Variants in DAPK2 observed in about 807,000 individuals in gnomAD.
DAPK2 encodes death-associated protein kinase 2.
A neutral mutation model predicts 44.1 loss-of-function variants in DAPK2; 35 were observed. The observed-to-expected ratio is 0.79, with a 90% CI of 0.61 to 1.05. DAPK2 has a LOEUF of 1.05. Among genes scored for constraint, DAPK2 ranks in the 50% least tolerant of loss-of-function variants. The pLI, the probability that DAPK2 is intolerant of heterozygous loss-of-function variation, is 0.00. For synonymous variants in DAPK2, 174 were observed against 182.6 expected, an observed-to-expected ratio of 0.95 and a Z score of 0.38; for missense variants, 453 against 483.2, an observed-to-expected ratio of 0.94 and a Z score of 0.59.
chr15:64,036,966 G>T (rs1486581175), intron 1 of DAPK2, among the ~76,000 whole-genome samples: 1 of 152,110 alleles, frequency 6.6e-6, no homozygotes, highest in Non-Finnish European at 1.5e-5. Flanking sequence ...CCCATGCCCA[G>T]CTCTGAGAGG....
chr15:64,000,088 C>T (rs1170088550), intron 1 of DAPK2, among the ~76,000 whole-genome samples: 2 of 151,996 alleles, frequency 1.3e-5, no homozygotes, highest in African/African-American at 4.8e-5. Flanking sequence ...ATAAGCCTTA[C>T]ATAGATGTTT....
chr15:64,029,294 A>G (rs1440057176), intron 1 of DAPK2, among the ~76,000 whole-genome samples: 1 of 152,122 alleles, frequency 6.6e-6, no homozygotes, highest in African/African-American at 2.4e-5. Context: ...TTTCCTAACA[A>G]TGGGTGATGA....
chr15:63,958,086 T>G (rs1440797978), intron 3 of DAPK2, among the ~76,000 whole-genome samples: 3 of 152,230 alleles, frequency 2.0e-5, no homozygotes. Context: ...GTGGTTTTGA[T>G]TTGCATTTCT....
At chr15:63,963,758 A>G (rs1208280544) in intron 3 of DAPK2, among the ~76,000 whole-genome samples, 1 of 152,182 alleles carries the variant, frequency 6.6e-6, no homozygotes, top group Non-Finnish European at 1.5e-5. Context: ...GCTTGCAAAC[A>G]CTGTCATATA....
At chr15:64,036,319 G>GTATATA (rs57218056) in intron 1 of DAPK2, among the ~76,000 whole-genome samples, 1,734 of 56,620 alleles carry the variant, frequency 0.031, 174 homozygotes, top group Admixed American at 0.048. Context: ...GTATATATAT[G>GTATATA]TATATATATA....
intron 4 of DAPK2, among the ~76,000 whole-genome samples, chr15:63,933,089 T>C (rs1036424049): frequency 1.3e-5 from 2 of 152,184 alleles, no homozygotes; most frequent in East Asian, 1.9e-4. Context: ...TCAGTGATAA[T>C]TCAAAGTGTG....
chr15:63,912,713 T>C lies in DAPK2; in HGVS notation c.859-516A>G, dbSNP rs958161694. Among the ~76,000 whole-genome samples the C allele has an allele frequency of 7.9e-5, 12 of 152,244 alleles. No homozygotes were observed. Among genetic ancestry groups the C allele is most frequent in the African/African-American group, 2.9e-4 (12 of 41,466 alleles). On this transcript the variant is annotated intron_variant, in intron 8 of 10. Coordinates refer to ENST00000261891, the Ensembl canonical transcript of DAPK2. This position sits in a 1 kb window ranked among gnomAD's most constrained non-coding sequence, Gnocchi z 4.4. ...TGGCAGTCAGAGCTCAGCTTAAATT[T>C]TGACTTCTCCAAGAAGCTTGGGATG...
At chr15:64,045,369 CTCTTAGG>C (rs1440939236) in intron 1 of DAPK2, among the ~76,000 whole-genome samples, 2 of 152,190 alleles carry the variant, frequency 1.3e-5, no homozygotes, top group Non-Finnish European at 2.9e-5. Flanking sequence ...GCACCACGGC[CTCTTAGG>C]TCAACAGGAC....
intron 1 of DAPK2, among the ~76,000 whole-genome samples, chr15:63,997,475 T>G (rs1437321711): frequency 3.3e-5 from 5 of 152,196 alleles, no homozygotes; most frequent in Non-Finnish European, 7.3e-5. Flanking sequence ...GGACTACATG[T>G]GCCCGCCACC....
At chr15:64,030,319 G>A (rs2079976054) in intron 1 of DAPK2, among the ~76,000 whole-genome samples, 1 of 152,034 alleles carries the variant, frequency 6.6e-6, no homozygotes, top group Admixed American at 6.5e-5. Context: ...AAAGTCTGTT[G>A]TGGTGTTGAC....
At chr15:64,002,851 C>A (rs1364377689) in intron 1 of DAPK2, among the ~76,000 whole-genome samples, 1 of 151,452 alleles carries the variant, frequency 6.6e-6, no homozygotes, top group Non-Finnish European at 1.5e-5. Flanking sequence ...AACAAAGAAT[C>A]GCCTAATTAA....
chr15:64,016,842 AG>A (rs1567275656), intron 1 of DAPK2, among the ~76,000 whole-genome samples: 7 of 6,404 alleles, frequency 1.1e-3, no homozygotes, highest in African/African-American at 1.8e-3. Context: ...GAAGGAGGGA[AG>A]GAAGGAAGGA....
At chr15:63,910,398 G>A (rs16947567) in intron 10 of DAPK2, among the ~76,000 whole-genome samples, 7 of 152,252 alleles carry the variant, frequency 4.6e-5, no homozygotes, top group South Asian at 2.1e-4. Context: ...TGAGCAGGGC[G>A]TCCCCTTCTG....
At chr15:63,995,645 C>T (rs150126991) in intron 1 of DAPK2, among the ~76,000 whole-genome samples, 8 of 152,338 alleles carry the variant, frequency 5.3e-5, no homozygotes, top group South Asian at 2.1e-4. Context: ...ACTTACTGCA[C>T]GACCCAGGGG....
At chr15:63,979,144 G>A (rs957068916) in intron 2 of DAPK2, among the ~76,000 whole-genome samples, 2 of 152,240 alleles carry the variant, frequency 1.3e-5, no homozygotes, top group African/African-American at 2.4e-5. Flanking sequence ...TGGGAGGCCA[G>A]CCCAACCTTC....
In DAPK2 at chr15:63,908,543, G is replaced by A. The variant is rs759014876; in HGVS notation, c.1090C>T (p.Arg364Trp). The A allele has an allele frequency of 2.3e-5, 36 of 1,599,834 alleles. 2 individuals are homozygous for A. Among genetic ancestry groups the A allele is most frequent in the Middle Eastern group, 3.3e-4 (2 of 6,032 alleles). The change falls in exon 11 of 11, where the codon CGG becomes TGG. Residue 364 changes from arginine (R) to tryptophan (W), a missense_variant. Physicochemically the swap from Arg to Trp is moderately radical, Grantham distance 101. Coordinates refer to ENST00000261891, the Ensembl canonical transcript of DAPK2. The surrounding 1 kb of genome is among the most constrained non-coding windows in gnomAD (Gnocchi z 5.7). ...AGTTAGGAGGTGCTGCTCCTCCTCC[G>A]TGGGTGGAGGGCTTTCCTCCTGGCG...
At position 63,939,571 on chromosome 15, in the gene DAPK2, A is replaced by T. The variant is rs937426172; in HGVS notation, c.454-210T>A. ...AAAGACAGGTAAAGCATTGAGGGCA[A>T]GGCCTGGGTTTTACCAAACCTTCTG... On this transcript the variant is annotated intron_variant, in intron 3 of 10. Transcript: ENST00000261891. The surrounding 1 kb of genome is among the most constrained non-coding windows in gnomAD (Gnocchi z 4.3). Among the ~76,000 whole-genome samples the T allele has an allele frequency of 6.6e-6, 1 of 152,186 alleles. No individual in the cohort carries two copies. The highest frequency in any genetic ancestry group is 2.4e-5 in the African/African-American group (1 of 41,436).
intron 3 of DAPK2, among the ~76,000 whole-genome samples, chr15:63,958,352 A>C (rs559053049): frequency 6.6e-6 from 1 of 152,070 alleles, no homozygotes; most frequent in South Asian, 2.1e-4. Flanking sequence ...AAGCTCTTTA[A>C]TTTAATTAGC....
At chr15:63,940,404 A>T (rs910585550) in intron 3 of DAPK2, among the ~76,000 whole-genome samples, 39 of 152,174 alleles carry the variant, frequency 2.6e-4, no homozygotes, top group African/African-American at 9.2e-4. Context: ...GAAGCCAAAG[A>T]AAAAAATAAA....
Sources: gnomAD v4.1 joint callset for allele counts (sites outside exome capture counted in the v4.1 genomes callset) on GRCh38, gnomAD v4.1.1 for gene constraint, Gnocchi (gnomAD v3.1) non-coding constraint, MANE v1.5 for transcripts, NCBI Gene and HGNC (gene_info 2026-07-23, HGNC 2026-07-21) for gene names.